Variants in MGAT4C observed in about 807,000 individuals in gnomAD.
The protein encoded by MGAT4C is alpha-1,3-mannosyl-glycoprotein 4-beta-N-acetylglucosaminyltransferase C.
MGAT4C carries 19 observed loss-of-function variants against 40.1 expected under a neutral mutation model. That is an observed-to-expected ratio of 0.47 (90% confidence interval 0.33 to 0.70). MGAT4C has a LOEUF of 0.70. MGAT4C is among the 30% of genes least tolerant of loss of function. The pLI, the probability that MGAT4C is intolerant of heterozygous loss-of-function variation, is 0.02. For synonymous variants in MGAT4C, 181 were observed against 187.1 expected (o/e 0.97, Z 0.27); for missense variants, 491 against 563.2 (o/e 0.87, Z 1.30).
intron 2 of MGAT4C, among the ~76,000 whole-genome samples, chr12:86,533,707 A>C (rs765171828): frequency 2.8e-4 from 42 of 151,716 alleles, no homozygotes; most frequent in Non-Finnish European, 5.6e-4. Context: ...ATATATATAA[A>C]CAAAAATAAA....
intron 1 of MGAT4C, among the ~76,000 whole-genome samples, chr12:86,781,931 T>C (rs1951847278): frequency 1.5e-5 from 1 of 66,858 alleles, no homozygotes; most frequent in Non-Finnish European, 4.9e-5. Context: ...TTTTCTATTT[T>C]ACCTAACTTA....
At chr12:86,172,695 T>G (rs1001573779) in intron 1 of MGAT4C, among the ~76,000 whole-genome samples, 1 of 152,106 alleles carries the variant, frequency 6.6e-6, no homozygotes, top group Non-Finnish European at 1.5e-5. Flanking sequence ...AGGGTATAAA[T>G]TAGAGTTTCA....
intron 3 of MGAT4C, among the ~76,000 whole-genome samples, chr12:86,420,344 T>G (rs1415896196): frequency 6.6e-6 from 1 of 152,046 alleles, no homozygotes; most frequent in Non-Finnish European, 1.5e-5. Flanking sequence ...ATTGTGCCAC[T>G]ACACTGCAGT....
chr12:86,747,371 C>T (rs1951168144), intron 1 of MGAT4C, among the ~76,000 whole-genome samples: 1 of 151,574 alleles, frequency 6.6e-6, no homozygotes, highest in South Asian at 2.1e-4. Flanking sequence ...GCGTGTATTT[C>T]AAAACAATTA....
chr12:86,078,493 A>C (rs1261715005), intron 1 of MGAT4C, among the ~76,000 whole-genome samples: 1 of 152,228 alleles, frequency 6.6e-6, no homozygotes, highest in Non-Finnish European at 1.5e-5. Flanking sequence ...ATCTGGAATA[A>C]GTGTTTATTC....
At chr12:86,509,418 A>G (rs1020898324) in intron 2 of MGAT4C, among the ~76,000 whole-genome samples, 6 of 152,110 alleles carry the variant, frequency 3.9e-5, no homozygotes, top group African/African-American at 1.4e-4. Context: ...CCATTGATCT[A>G]TATCTCTGTT....
intron 2 of MGAT4C, among the ~76,000 whole-genome samples, chr12:86,713,853 G>A (rs1471341182): frequency 6.6e-6 from 1 of 151,122 alleles, no homozygotes; most frequent in Non-Finnish European, 1.5e-5. Context: ...ACGGACTTAT[G>A]TATTACATTA....
intron 1 of MGAT4C, among the ~76,000 whole-genome samples, chr12:86,103,278 A>G (rs1342060552): frequency 6.6e-6 from 1 of 152,194 alleles, no homozygotes; most frequent in East Asian, 1.9e-4. Flanking sequence ...CAGAAAATGT[A>G]TAATGAAATA....
intron 1 of MGAT4C, among the ~76,000 whole-genome samples, chr12:86,123,446 A>G (rs1879767015): frequency 6.6e-6 from 1 of 152,172 alleles, no homozygotes; most frequent in African/African-American, 2.4e-5. Context: ...ATCTGAATGT[A>G]GTTTGAGCAC....
At chr12:86,116,823 T>C (rs147726825) in intron 1 of MGAT4C, among the ~76,000 whole-genome samples, 78 of 152,256 alleles carry the variant, frequency 5.1e-4, no homozygotes, top group African/African-American at 1.8e-3. Flanking sequence ...TATAAGCTAT[T>C]GACATCAATA....
At chr12:86,614,963 T>A (rs1316953588) in intron 2 of MGAT4C, among the ~76,000 whole-genome samples, 2 of 152,036 alleles carry the variant, frequency 1.3e-5, no homozygotes, top group Non-Finnish European at 2.9e-5. Flanking sequence ...TTATGGGTAT[T>A]ATTTTATTAC....
At chr12:86,652,899 T>C (rs1771720678) in intron 2 of MGAT4C, among the ~76,000 whole-genome samples, 1 of 151,914 alleles carries the variant, frequency 6.6e-6, no homozygotes, top group Non-Finnish European at 1.5e-5. Flanking sequence ...TATTTTATAA[T>C]AAAAACATCC....
At chr12:86,331,590 A>G (rs61950706) in intron 4 of MGAT4C, among the ~76,000 whole-genome samples, 12,048 of 152,098 alleles carry the variant, frequency 0.079, 673 homozygotes, top group Middle Eastern at 0.21. Context: ...CTATTAGGAG[A>G]CTGCTTTTCC....
intron 2 of MGAT4C, among the ~76,000 whole-genome samples, chr12:86,489,010 C>G (rs1958077975): frequency 6.6e-6 from 1 of 152,134 alleles, no homozygotes; most frequent in Non-Finnish European, 1.5e-5. Flanking sequence ...TGTGCCCACT[C>G]TAACCCAGCT....
At chr12:86,579,947 T>C (rs984125772) in intron 2 of MGAT4C, among the ~76,000 whole-genome samples, 6 of 151,592 alleles carry the variant, frequency 4.0e-5, no homozygotes, top group Admixed American at 6.6e-5. Flanking sequence ...TTATTTGTTT[T>C]CTCTTGCTGC....
At chr12:86,728,254 A>G (rs1950855601) in intron 1 of MGAT4C, among the ~76,000 whole-genome samples, 1 of 152,234 alleles carries the variant, frequency 6.6e-6, no homozygotes, top group South Asian at 2.1e-4. Context: ...AAGTAAGAAA[A>G]TTAAGGTCAT....
intron 2 of MGAT4C, among the ~76,000 whole-genome samples, chr12:86,564,414 T>C (rs150969324): frequency 0.01 from 1,572 of 152,330 alleles, 9 homozygotes; most frequent in Non-Finnish European, 0.014. Context: ...TGGCTTTGTG[T>C]CATAATCTTG....
chr12:86,232,006 G>T (rs1267531718), intron 1 of MGAT4C, among the ~76,000 whole-genome samples: 2 of 152,062 alleles, frequency 1.3e-5, no homozygotes, highest in African/African-American at 4.8e-5. Flanking sequence ...TCTGGGCATG[G>T]TGGCAAGCGC....
At chr12:86,461,334 T>G (rs936585148) in intron 2 of MGAT4C, among the ~76,000 whole-genome samples, 2 of 150,816 alleles carry the variant, frequency 1.3e-5, no homozygotes, top group African/African-American at 4.9e-5. Context: ...CAAGCTCCGC[T>G]TCCCGGGTTC....
Sources: allele counts gnomAD v4.1 joint callset (sites outside exome capture counted in the v4.1 genomes callset), GRCh38; gene constraint gnomAD v4.1.1; transcripts MANE v1.5; gene names NCBI Gene and HGNC (gene_info 2026-07-23, HGNC 2026-07-21).